Variants in LYPD6 observed in about 807,000 individuals in gnomAD.
LYPD6 encodes LY6/PLAUR domain containing 6.
Under a neutral mutation model 22.7 loss-of-function variants are expected in LYPD6, and 15 were observed. The observed-to-expected ratio is 0.66, with a 90% confidence interval of 0.44 to 1.02. LYPD6 has a LOEUF of 1.02. LYPD6 is among the 50% of genes least tolerant of loss of function. The pLI, the probability that LYPD6 is intolerant of heterozygous loss-of-function variation, is 0.00. For missense variants in LYPD6, 189 were observed against 208.4 expected (o/e 0.91, Z 0.57); for synonymous variants, 72 against 77.5 (o/e 0.93, Z 0.37).
chr2:149,401,138 G>A (rs940161112), intron 1 of LYPD6, among the ~76,000 whole-genome samples: 1 of 152,140 alleles, frequency 6.6e-6, no homozygotes, highest in Non-Finnish European at 1.5e-5. Flanking sequence ...TGCACCATAT[G>A]TCCATCAGTA....
At chr2:149,457,764 C>CA (rs1233591433) in intron 3 of LYPD6, among the ~76,000 whole-genome samples, 1 of 151,984 alleles carries the variant, frequency 6.6e-6, no homozygotes, top group Non-Finnish European at 1.5e-5. Flanking sequence ...CTAAGTATGA[C>CA]AAAAAATTCT....
chr2:149,366,760 C>A (rs1423124300), intron 1 of LYPD6, among the ~76,000 whole-genome samples: 1 of 152,108 alleles, frequency 6.6e-6, no homozygotes, highest in Non-Finnish European at 1.5e-5. Context: ...AGTAAATGAA[C>A]CATGAATGCT....
intron 1 of LYPD6, among the ~76,000 whole-genome samples, chr2:149,408,650 C>G (rs1025991785): frequency 2.0e-5 from 3 of 152,086 alleles, no homozygotes; most frequent in Non-Finnish European, 4.4e-5. Flanking sequence ...ATTTGAAAGC[C>G]TTGTCTTCAA....
At chr2:149,444,235 C>T (rs757003390) in intron 2 of LYPD6, among the ~76,000 whole-genome samples, 10 of 152,258 alleles carry the variant, frequency 6.6e-5, no homozygotes, top group Non-Finnish European at 1.2e-4. Flanking sequence ...GTTCCACCAA[C>T]AATGTACGTA....
At chr2:149,446,588 C>T (rs1046805224) in intron 2 of LYPD6, among the ~76,000 whole-genome samples, 5 of 152,154 alleles carry the variant, frequency 3.3e-5, no homozygotes, top group Admixed American at 1.3e-4. Context: ...ATTAAAATTT[C>T]CTCATGAAAA....
intron 1 of LYPD6, among the ~76,000 whole-genome samples, chr2:149,431,111 T>G (rs1683302891): frequency 6.6e-6 from 1 of 152,128 alleles, no homozygotes. Context: ...GAGCACAAAT[T>G]AAATCTGTCA....
At chr2:149,359,091 G>T (rs2105066133) in intron 1 of LYPD6, among the ~76,000 whole-genome samples, 1 of 152,162 alleles carries the variant, frequency 6.6e-6, no homozygotes, top group Non-Finnish European at 1.5e-5. Flanking sequence ...CTCATTTGTT[G>T]TGCTGTTGGC....
intron 1 of LYPD6, among the ~76,000 whole-genome samples, chr2:149,407,864 T>G (rs1257871897): frequency 6.6e-6 from 1 of 152,204 alleles, no homozygotes; most frequent in Non-Finnish European, 1.5e-5. Flanking sequence ...CTTTGTGGTT[T>G]TATCTACTTT....
At chr2:149,404,460 G>A (rs1027010681) in intron 1 of LYPD6, among the ~76,000 whole-genome samples, 7 of 152,204 alleles carry the variant, frequency 4.6e-5, no homozygotes, top group Non-Finnish European at 1.0e-4. Context: ...TCCCTTGTAA[G>A]TTGGATTCCT....
chr2:149,417,751 TATTGA>T (rs1437519072), intron 1 of LYPD6, among the ~76,000 whole-genome samples: 3 of 152,240 alleles, frequency 2.0e-5, no homozygotes, highest in Non-Finnish European at 2.9e-5. Context: ...TATTAATTCA[TATTGA>T]ATTAATTTTT....
At chr2:149,363,260 A>T (rs1681603261) in intron 1 of LYPD6, among the ~76,000 whole-genome samples, 1 of 152,202 alleles carries the variant, frequency 6.6e-6, no homozygotes, top group Non-Finnish European at 1.5e-5. Flanking sequence ...ATCAAAGCTA[A>T]CATTTATTGA....
At chr2:149,476,290 G>C (rs756432368), downstream of LYPD6, among the ~76,000 whole-genome samples, 12 of 152,180 alleles carry the variant, frequency 7.9e-5, no homozygotes, top group Non-Finnish European at 1.5e-5. Flanking sequence ...AGGACAGCAA[G>C]CTAGCCTAAT....
intron 1 of LYPD6, among the ~76,000 whole-genome samples, chr2:149,402,238 G>GTT (rs1361113851): frequency 6.6e-6 from 1 of 151,230 alleles, no homozygotes; most frequent in African/African-American, 2.4e-5. Flanking sequence ...GTTTGCGTGT[G>GTT]TGTGTGTGTG....
At chr2:149,443,058 T>C (rs193102481) in intron 2 of LYPD6, among the ~76,000 whole-genome samples, 2 of 152,340 alleles carry the variant, frequency 1.3e-5, no homozygotes, top group Non-Finnish European at 2.9e-5. Context: ...GTATTTTAGT[T>C]CCCACTCCTG....
intron 3 of LYPD6, among the ~76,000 whole-genome samples, chr2:149,455,977 C>T (rs1302164781): frequency 1.3e-5 from 2 of 152,180 alleles, no homozygotes; most frequent in Non-Finnish European, 2.9e-5. Context: ...GGAGACTAAC[C>T]AGTTGTGATT....
downstream of LYPD6, among the ~76,000 whole-genome samples, chr2:149,478,340 T>C (rs1288705760): frequency 6.6e-6 from 1 of 151,912 alleles, no homozygotes; most frequent in East Asian, 1.9e-4. Context: ...TGCCCCAAAT[T>C]CTCAGAAGAC....
In LYPD6 at chr2:149,471,032, G is replaced by A. The variant is rs1407811870; in HGVS notation, c.*182G>A. ...TGTTGCTTCATTGTAGCCATTTTGA[G>A]TCTAACCGAGACTCATCAAAGCCTT... is the stretch of plus-strand genomic sequence containing the variant. On this transcript the variant is annotated 3_prime_UTR_variant, in exon 5 of 5. Transcript: ENST00000334166. The A allele has an allele frequency of 5.7e-6, 3 of 529,364 alleles. No individual in the cohort carries two copies. The highest frequency in any genetic ancestry group is 1.0e-5 in the Non-Finnish European group (3 of 300,230). The allele number at this position is 529,364 out of a possible 1,614,324, so 32.8% of individuals were successfully genotyped here. A position where few individuals can be genotyped will look rare whatever the true frequency, so the allele number is the denominator to read the frequency against.
At chr2:149,390,212 A>G (rs1163417675) in intron 1 of LYPD6, among the ~76,000 whole-genome samples, 1 of 152,210 alleles carries the variant, frequency 6.6e-6, no homozygotes, top group East Asian at 1.9e-4. Context: ...TAACCATGCA[A>G]TGGTTAGTCC....
chr2:149,387,468 C>A (rs1418972543), intron 1 of LYPD6, among the ~76,000 whole-genome samples: 1 of 152,156 alleles, frequency 6.6e-6, no homozygotes, highest in African/African-American at 2.4e-5. Context: ...TTCACTGGTT[C>A]ATTTTTCATT....
Sources: allele counts gnomAD v4.1 joint callset (sites outside exome capture counted in the v4.1 genomes callset), GRCh38; gene constraint gnomAD v4.1.1; transcripts MANE v1.5; gene names NCBI Gene and HGNC (gene_info 2026-07-23, HGNC 2026-07-21).